The following CDH10 variants were observed in gnomAD, a reference collection of about 807,000 sequenced individuals.
The protein encoded by CDH10 is cadherin 10.
Under a neutral mutation model 73.1 loss-of-function variants are expected in CDH10, and 30 were observed. The ratio of observed to expected loss-of-function variants is 0.41; its 90% confidence interval spans 0.31 to 0.56. CDH10 has a LOEUF of 0.56. CDH10 is among the 20% of genes least tolerant of loss of function. CDH10 has a pLI of 0.27. For synonymous variants in CDH10, 345 were observed against 348.2 expected (o/e 0.99, Z 0.10); for missense variants, 815 against 973.7 (o/e 0.84, Z 2.17).
Position 24,537,562 on chromosome 5 carries a change from C to T in CDH10, c.344G>A (p.Arg115Lys). 3 of 1,612,998 alleles carry T rather than the reference C, an allele frequency of 1.9e-6. No individual in the cohort carries two copies. The highest frequency in any genetic ancestry group is 2.5e-6 in the Non-Finnish European group (3 of 1,179,234). ...DEKTGDIHATRRIDREEKAFY... is the reference protein window; with the variant it reads ...DEKTGDIHATKRIDREEKAFY... Reference sequence around the variant, plus strand: ...GGCCTTTTCCTCCCTATCAATTCGCCTTGTGGCATGAATATCACCTGTTTT... The same window carrying T: ...GGCCTTTTCCTCCCTATCAATTCGCTTTGTGGCATGAATATCACCTGTTTT... The change falls in exon 3 of 12, where the codon AGG becomes AAG. Residue 115 changes from arginine to lysine, a missense_variant. Transcript: ENST00000264463.
At chr5:24,558,841 C>T (rs1561162393) in intron 2 of CDH10, among the ~76,000 whole-genome samples, 2 of 151,802 alleles carry the variant, frequency 1.3e-5, no homozygotes, top group Non-Finnish European at 3.0e-5. Context: ...TTTTGCTTTG[C>T]TGTGGCCTGC....
At position 24,487,592 on chromosome 5, in the gene CDH10, C is replaced by G. The variant is rs1286224596; in HGVS notation, c.*71G>C. 6.9e-7 allele frequency: 1 copy of G among 1,448,356 alleles called. No individual in the cohort carries two copies. 89.7% of individuals were successfully genotyped at this position (1,448,356 alleles called of 1,614,324 possible). A position where few individuals can be genotyped will look rare whatever the true frequency, so the allele number is the denominator to read the frequency against. ...CTGGCAGGAAAATGCTCCTGAATAT[C>G]AAATATTGTGAAGTGGAGACAGCAT... On this transcript the variant is annotated 3_prime_UTR_variant, in exon 12 of 12. Transcript: ENST00000264463.
chr5:24,562,310 T>A (rs1311721085), intron 2 of CDH10, among the ~76,000 whole-genome samples: 1 of 152,078 alleles, frequency 6.6e-6, no homozygotes. Context: ...AGAAGTATTA[T>A]CTCCCCCTCC....
intron 2 of CDH10, among the ~76,000 whole-genome samples, chr5:24,560,218 G>A (rs763726566): frequency 0.054 from 7,560 of 140,526 alleles, 298 homozygotes; most frequent in South Asian, 0.12. Context: ...GTGTGTGTGT[G>A]TGTGTGTGTG....
intron 10 of CDH10, among the ~76,000 whole-genome samples, 188 bp from the exon 11 acceptor site, chr5:24,492,015 C>G (rs1268975202): frequency 1.3e-5 from 2 of 152,058 alleles, no homozygotes; most frequent in African/African-American, 4.8e-5. Context: ...GAGAAATATA[C>G]TATAAATTGT....
At chr5:24,558,384 G>A (rs1561162085) in intron 2 of CDH10, among the ~76,000 whole-genome samples, 2 of 151,564 alleles carry the variant, frequency 1.3e-5, no homozygotes, top group South Asian at 2.1e-4. Context: ...ACTATAATTT[G>A]GGTTTAGCAA....
Position 24,509,572 on chromosome 5 carries a change from G to T in CDH10, c.1250C>A (p.Pro417His), listed in dbSNP as rs1742821137. ...MARDPDSISS[P>H]IRFSLDRHTD... The stretch of plus-strand genomic sequence containing the variant: ...TTTTAAAAGGCACACTTACCTAATG[G>T]GGCTGGAAATAGAATCTGGGTCCCT... Residue 417 changes from proline to histidine, a missense_variant, in exon 7 of 12, where the codon CCC (proline) becomes CAC (histidine). Around this residue, in one of 3 missense-constraint regions of CDH10, gnomAD observed 516 missense variants for 636.6 expected, o/e 0.81. Transcript: ENST00000264463. 2 of 1,613,626 alleles carry T rather than the reference G, an allele frequency of 1.2e-6. No homozygotes were observed. The highest frequency in any genetic ancestry group is 1.1e-5 in the South Asian group (1 of 91,014).
At chr5:24,570,626 T>C (rs1260063792) in intron 2 of CDH10, among the ~76,000 whole-genome samples, 2 of 151,460 alleles carry the variant, frequency 1.3e-5, no homozygotes, top group Admixed American at 1.3e-4. Flanking sequence ...ACTCAAAATG[T>C]ACACTGCTTG....
chr5:24,602,976 C>A (rs1279072556), intron 1 of CDH10, among the ~76,000 whole-genome samples: 1 of 152,106 alleles, frequency 6.6e-6, no homozygotes, highest in Admixed American at 6.6e-5. Context: ...TCACCTTTTT[C>A]AAGACAATCT....
At chr5:24,581,863 CGTTTTG>C (rs1561178096) in intron 2 of CDH10, among the ~76,000 whole-genome samples, 1 of 151,914 alleles carries the variant, frequency 6.6e-6, no homozygotes, top group African/African-American at 2.4e-5. Context: ...AAAAAGTAAA[CGTTTTG>C]ATCTAAAAAA....
chr5:24,528,709 G>T (rs1407553325), intron 5 of CDH10, among the ~76,000 whole-genome samples: 1 of 151,988 alleles, frequency 6.6e-6, no homozygotes, highest in Non-Finnish European at 1.5e-5. Flanking sequence ...AGAATTCAGT[G>T]TGTCCTGCCT....
chr5:24,631,822 T>C (rs948315789), intron 1 of CDH10, among the ~76,000 whole-genome samples: 1 of 152,056 alleles, frequency 6.6e-6, no homozygotes, highest in Non-Finnish European at 1.5e-5. Context: ...CTCTAAAATG[T>C]TGTTGACTTG....
intron 7 of CDH10, 88 bp from the exon 8 acceptor site, chr5:24,505,336 C>A (rs2111729166): frequency 1.0e-6 from 1 of 990,208 alleles, no homozygotes; most frequent in Admixed American, 1.8e-5. Context: ...ACACATATCA[C>A]TGATAATTAC....
chr5:24,632,245 A>G (rs147262977), intron 1 of CDH10, among the ~76,000 whole-genome samples: 35 of 152,136 alleles, frequency 2.3e-4, no homozygotes, highest in African/African-American at 7.9e-4. Flanking sequence ...TCTGCAAAAA[A>G]CCTTTGCCCT....
intron 2 of CDH10, among the ~76,000 whole-genome samples, chr5:24,558,960 A>T (rs1466567789): frequency 6.6e-6 from 1 of 151,644 alleles, no homozygotes; most frequent in Non-Finnish European, 1.5e-5. Context: ...TTTCATTTTC[A>T]ATTATTTTAC....
At chr5:24,504,918 T>C (rs1017559682) in intron 8 of CDH10, among the ~76,000 whole-genome samples, 194 bp downstream of exon 8, 5 of 152,130 alleles carry the variant, frequency 3.3e-5, no homozygotes, top group African/African-American at 1.2e-4. Context: ...CCAATATGTA[T>C]AGGTATCCCT....
chr5:24,535,356 T>C (rs1472280442), intron 4 of CDH10, 77 bp from the exon 5 acceptor site: 3 of 1,358,552 alleles, frequency 2.2e-6, no homozygotes, highest in African/African-American at 2.9e-5. Flanking sequence ...ACAAAAAGTA[T>C]TTTTAAGCTA....
chr5:24,536,562 T>C (rs1453094434), intron 3 of CDH10, among the ~76,000 whole-genome samples: 2 of 152,106 alleles, frequency 1.3e-5, no homozygotes, highest in South Asian at 2.1e-4. Flanking sequence ...TCCAAAAATA[T>C]GACTCTAAAA....
chr5:24,547,217 T>C (rs528424707), intron 2 of CDH10, among the ~76,000 whole-genome samples: 1 of 152,344 alleles, frequency 6.6e-6, no homozygotes, highest in South Asian at 2.1e-4. Context: ...ATCTGTAATT[T>C]ATCTTAAGTG....
Sources: gnomAD v4.1 joint callset for allele counts (sites outside exome capture counted in the v4.1 genomes callset) on GRCh38, gnomAD v4.1.1 for gene constraint, gnomAD v4.1.1 regional missense constraint, MANE v1.5 for transcripts, NCBI Gene and HGNC (gene_info 2026-07-23, HGNC 2026-07-21) for gene names.